Variants in SNX10 observed in about 807,000 individuals in gnomAD.
SNX10 encodes sorting nexin 10.
In SNX10, 25 loss-of-function variants were observed where a neutral mutation model predicts 28.5. The ratio of observed to expected loss-of-function variants is 0.88; its 90% CI spans 0.64 to 1.22. SNX10 has a LOEUF of 1.22. Among genes scored for constraint, SNX10 ranks in the 50% most tolerant of loss-of-function variants. The probability of loss-of-function intolerance (pLI) is 0.00; values close to 1 mark genes in which losing one functional copy is unlikely to be tolerated. For missense variants in SNX10, 223 were observed against 242.6 expected, an observed-to-expected ratio of 0.92 and a Z score of 0.54; for synonymous variants, 62 against 81.4, an observed-to-expected ratio of 0.76 and a Z score of 1.28.
intron 1 of SNX10, among the ~76,000 whole-genome samples, chr7:26,293,618 A>G (rs1042620425): frequency 5.9e-5 from 9 of 152,216 alleles, no homozygotes; most frequent in Non-Finnish European, 1.2e-4. Flanking sequence ...AAGATGTGAA[A>G]TATCAGTGAT....
chr7:26,368,466 T>C (rs1470059330), intron 5 of SNX10, among the ~76,000 whole-genome samples: 1 of 152,198 alleles, frequency 6.6e-6, no homozygotes, highest in African/African-American at 2.4e-5. Flanking sequence ...TCTCTAACTA[T>C]GAAAAATGGA....
chr7:26,345,329 G>A (rs1276748735), intron 1 of SNX10, among the ~76,000 whole-genome samples: 1 of 152,198 alleles, frequency 6.6e-6, no homozygotes. Flanking sequence ...CTCTGTGGGT[G>A]TTGTTGTTGC....
chr7:26,311,244 G>C (rs1045945423), intron 1 of SNX10, among the ~76,000 whole-genome samples: 3 of 152,260 alleles, frequency 2.0e-5, no homozygotes, highest in African/African-American at 7.2e-5. Flanking sequence ...TCCGCCTCTC[G>C]GGTTCAAGGA....
At chr7:26,301,055 C>T (rs1267768243) in intron 1 of SNX10, among the ~76,000 whole-genome samples, 3 of 144,564 alleles carry the variant, frequency 2.1e-5, no homozygotes, top group African/African-American at 7.6e-5. Flanking sequence ...GCCATCATCT[C>T]TCAGTTTAGT....
At chr7:26,342,860 G>A (rs1335923893) in intron 1 of SNX10, among the ~76,000 whole-genome samples, 3 of 152,080 alleles carry the variant, frequency 2.0e-5, no homozygotes, top group Non-Finnish European at 4.4e-5. Context: ...AGGCTGGAGT[G>A]CAGTGGCATG....
intron 1 of SNX10, among the ~76,000 whole-genome samples, chr7:26,339,299 C>A (rs116629433): frequency 6.6e-6 from 1 of 152,200 alleles, no homozygotes; most frequent in South Asian, 2.1e-4. Context: ...TTCGCCATGC[C>A]GCCCAGACTG....
At chr7:26,306,906 C>T (rs1356779312) in intron 1 of SNX10, among the ~76,000 whole-genome samples, 6 of 152,204 alleles carry the variant, frequency 3.9e-5, no homozygotes, top group Admixed American at 2.0e-4. Context: ...CAGATGAGAA[C>T]ACTGAAGCAC....
intron 1 of SNX10, among the ~76,000 whole-genome samples, chr7:26,309,418 C>A (rs1446594930): frequency 6.6e-6 from 1 of 151,950 alleles, no homozygotes; most frequent in Non-Finnish European, 1.5e-5. Context: ...AACGCTCACC[C>A]AGTCGGTTCT....
intron 1 of SNX10, among the ~76,000 whole-genome samples, chr7:26,322,434 A>G (rs915494371): frequency 6.6e-6 from 1 of 152,214 alleles, no homozygotes; most frequent in African/African-American, 2.4e-5. Flanking sequence ...GAGTCCTTTA[A>G]ATTGAGAGAT....
At chr7:26,324,447 T>G (rs1042765362) in intron 1 of SNX10, among the ~76,000 whole-genome samples, 7 of 152,188 alleles carry the variant, frequency 4.6e-5, no homozygotes, top group Non-Finnish European at 7.4e-5. Flanking sequence ...GTAGCCTCAA[T>G]CATTCTGTCT....
At chr7:26,310,627 A>C (rs915115069) in intron 1 of SNX10, among the ~76,000 whole-genome samples, 2 of 150,654 alleles carry the variant, frequency 1.3e-5, no homozygotes, top group African/African-American at 4.9e-5. Flanking sequence ...TGGAAAGGGG[A>C]GAATGTCGAG....
intron 1 of SNX10, among the ~76,000 whole-genome samples, chr7:26,305,265 C>A (rs1186406598): frequency 6.6e-6 from 1 of 152,190 alleles, no homozygotes; most frequent in Admixed American, 6.5e-5. Flanking sequence ...TGGATACTCC[C>A]CAGTTCCTCT....
chr7:26,341,493 A>C (rs952249118), intron 1 of SNX10, among the ~76,000 whole-genome samples: 1 of 99,132 alleles, frequency 1.0e-5, no homozygotes, highest in Non-Finnish European at 2.0e-5. Flanking sequence ...AGAATTCTCT[A>C]TGTGCATTTT....
intron 1 of SNX10, among the ~76,000 whole-genome samples, chr7:26,298,414 A>G (rs995380514): frequency 6.6e-6 from 1 of 152,234 alleles, no homozygotes; most frequent in Non-Finnish European, 1.5e-5. Flanking sequence ...AAAACCATGA[A>G]ACCTTTTTGC....
chr7:26,362,940 G>A (rs1467600824), intron 3 of SNX10, among the ~76,000 whole-genome samples: 1 of 152,142 alleles, frequency 6.6e-6, no homozygotes, highest in East Asian at 1.9e-4. Flanking sequence ...GACAACCATG[G>A]TGGTTGTGAG....
chr7:26,367,890 T>C (rs372694862), intron 5 of SNX10, among the ~76,000 whole-genome samples: 3 of 152,362 alleles, frequency 2.0e-5, no homozygotes. Flanking sequence ...TCGCATGCAT[T>C]TTTAAAGCCT....
At chr7:26,349,683 G>A (rs1384792963) in intron 2 of SNX10, among the ~76,000 whole-genome samples, 1 of 144,466 alleles carries the variant, frequency 6.9e-6, no homozygotes, top group East Asian at 1.9e-4. Context: ...CAACTCTTCT[G>A]TTTAATGAGA....
At chr7:26,301,512 G>T (rs1423552468) in intron 1 of SNX10, among the ~76,000 whole-genome samples, 2 of 152,146 alleles carry the variant, frequency 1.3e-5, no homozygotes, top group Non-Finnish European at 2.9e-5. Flanking sequence ...GAACCAAAGG[G>T]GGCACCAAAG....
intron 1 of SNX10, among the ~76,000 whole-genome samples, chr7:26,343,540 G>A (rs1788258985): frequency 1.3e-5 from 2 of 152,222 alleles, no homozygotes; most frequent in South Asian, 4.1e-4. Flanking sequence ...TGATGCAAGC[G>A]AAGTTAATGG....
Sources: gnomAD v4.1 joint callset for allele counts (sites outside exome capture counted in the v4.1 genomes callset) on GRCh38, gnomAD v4.1.1 for gene constraint, MANE v1.5 for transcripts, NCBI Gene and HGNC (gene_info 2026-07-23, HGNC 2026-07-21) for gene names.